Variants in GPR39 observed in about 807,000 individuals in gnomAD.
The protein encoded by GPR39 is zinc sensing receptor.
In GPR39, 23 loss-of-function variants were observed where a neutral mutation model predicts 18.4. The observed-to-expected ratio is 1.25, with a 90% CI of 0.90 to 1.77. The LOEUF (loss-of-function observed/expected upper bound fraction) is 1.77, where lower values mean the gene tolerates loss of function less well. Ranked by LOEUF, GPR39 falls within the 40% of genes most tolerant of loss-of-function variation. The pLI is 0.00. For synonymous variants in GPR39, 280 were observed against 257.9 expected, an observed-to-expected ratio of 1.09 and a Z score of -0.82; for missense variants, 647 against 602.4, an observed-to-expected ratio of 1.07 and a Z score of -0.78.
At chr2:132,444,389 C>T (rs1346851961) in intron 1 of GPR39, among the ~76,000 whole-genome samples, 1 of 152,002 alleles carries the variant, frequency 6.6e-6, no homozygotes, top group Non-Finnish European at 1.5e-5. Context: ...CTCTTGGGCT[C>T]AAGCCGTCTT....
At chr2:132,556,188 G>A (rs75240074) in intron 1 of GPR39, among the ~76,000 whole-genome samples, 23 of 152,238 alleles carry the variant, frequency 1.5e-4, no homozygotes, top group African/African-American at 5.5e-4. Context: ...AAATTCATTA[G>A]GCATATCATT....
intron 1 of GPR39, among the ~76,000 whole-genome samples, chr2:132,509,216 T>G (rs58191717): frequency 0.11 from 16,936 of 152,248 alleles, 993 homozygotes; most frequent in East Asian, 0.17. Flanking sequence ...AGGGAGTGGA[T>G]AGTAACCAGC....
intron 1 of GPR39, among the ~76,000 whole-genome samples, chr2:132,580,543 G>A (rs1019828696): frequency 6.6e-6 from 1 of 152,140 alleles, no homozygotes; most frequent in African/African-American, 2.4e-5. Context: ...ACTGGCCATG[G>A]TACAATAAGT....
At chr2:132,503,273 T>C (rs1395192947) in intron 1 of GPR39, among the ~76,000 whole-genome samples, 1 of 152,208 alleles carries the variant, frequency 6.6e-6, no homozygotes, top group African/African-American at 2.4e-5. Flanking sequence ...TATTTTGATG[T>C]GGTGTTCTCC....
intron 1 of GPR39, among the ~76,000 whole-genome samples, chr2:132,429,122 A>C (rs1195384159): frequency 6.6e-6 from 1 of 152,154 alleles, no homozygotes; most frequent in East Asian, 1.9e-4. Flanking sequence ...TTTTATCTTC[A>C]ATCCTCATAG....
Position 132,420,685 on chromosome 2 carries a change from C to T in GPR39, c.856+2787C>T, listed in dbSNP as rs550815640. On this transcript the variant is annotated intron_variant, in intron 1 of 1. Transcript: ENST00000329321. ...AAAACAATTAAGATTGTTCGCCGCT[C>T]GTTGTTAAAAATGCTAACTTCTGCA... 5.9e-5 allele frequency among the ~76,000 whole-genome samples: 9 copies of T among 152,312 alleles called. No homozygotes were observed. In the South Asian group the frequency reaches 1.5e-3, roughly 25 times the overall value.
At chr2:132,611,540 G>A (rs1681240276) in intron 1 of GPR39, among the ~76,000 whole-genome samples, 1 of 151,992 alleles carries the variant, frequency 6.6e-6, no homozygotes, top group Non-Finnish European at 1.5e-5. Flanking sequence ...GTTCAATTAA[G>A]CATGTCCATT....
intron 1 of GPR39, among the ~76,000 whole-genome samples, chr2:132,580,649 C>T (rs1680606757): frequency 6.6e-6 from 1 of 152,116 alleles, no homozygotes; most frequent in Non-Finnish European, 1.5e-5. Context: ...TACAATTATT[C>T]CTTCTGTTTA....
chr2:132,547,029 T>C (rs530597921), intron 1 of GPR39, among the ~76,000 whole-genome samples: 1 of 152,018 alleles, frequency 6.6e-6, no homozygotes, highest in Non-Finnish European at 1.5e-5. Context: ...AGGAGCAAGA[T>C]GCTGTGTTTC....
At chr2:132,473,759 A>G (rs111398969) in intron 1 of GPR39, among the ~76,000 whole-genome samples, 6,505 of 152,276 alleles carry the variant, frequency 0.043, 495 homozygotes, top group African/African-American at 0.15. Context: ...GAGAGACATG[A>G]TGTAGACCAC....
chr2:132,479,456 G>T (rs1681190646), intron 1 of GPR39, among the ~76,000 whole-genome samples: 1 of 152,146 alleles, frequency 6.6e-6, no homozygotes, highest in South Asian at 2.1e-4. Flanking sequence ...CATTTAATTG[G>T]GCTGGTATGG....
chr2:132,625,585 G>A (rs1466760700), intron 1 of GPR39, among the ~76,000 whole-genome samples: 5 of 152,134 alleles, frequency 3.3e-5, no homozygotes, highest in Admixed American at 2.6e-4. Flanking sequence ...GAACAGAAGG[G>A]GGGGAAATGC....
At chr2:132,470,648 T>G (rs1455642652) in intron 1 of GPR39, among the ~76,000 whole-genome samples, 1 of 151,186 alleles carries the variant, frequency 6.6e-6, no homozygotes, top group African/African-American at 2.4e-5. Context: ...GACGATCCAG[T>G]AAAATGAGGA....
At chr2:132,588,239 A>C (rs929164282) in intron 1 of GPR39, among the ~76,000 whole-genome samples, 1 of 152,172 alleles carries the variant, frequency 6.6e-6, no homozygotes, top group East Asian at 1.9e-4. Flanking sequence ...GTACCCCTTT[A>C]GTGAGAGGGA....
chr2:132,537,177 A>G (rs1679773038), intron 1 of GPR39, among the ~76,000 whole-genome samples: 2 of 152,064 alleles, frequency 1.3e-5, no homozygotes, highest in Admixed American at 1.3e-4. Context: ...TGGTCTTTAT[A>G]TTGTGGTATG....
intron 1 of GPR39, among the ~76,000 whole-genome samples, chr2:132,478,796 A>G (rs1407247819): frequency 6.6e-6 from 1 of 152,242 alleles, no homozygotes; most frequent in Non-Finnish European, 1.5e-5. Flanking sequence ...ATGTTGTTTC[A>G]GAACCCAAGT....
intron 1 of GPR39, among the ~76,000 whole-genome samples, chr2:132,578,871 A>G (rs1341875500): frequency 1.3e-5 from 2 of 152,012 alleles, no homozygotes; most frequent in Non-Finnish European, 2.9e-5. Flanking sequence ...TGTCCTCACT[A>G]TTTCTTTGTT....
At chr2:132,537,263 G>A (rs1313539436) in intron 1 of GPR39, among the ~76,000 whole-genome samples, 1 of 152,128 alleles carries the variant, frequency 6.6e-6, no homozygotes, top group African/African-American at 2.4e-5. Context: ...AGGCAGTCCT[G>A]TGGTGACTAA....
chr2:132,595,615 G>A (rs1443128338), intron 1 of GPR39, among the ~76,000 whole-genome samples: 1 of 152,126 alleles, frequency 6.6e-6, no homozygotes, highest in Non-Finnish European at 1.5e-5. Context: ...GGCATGGAAG[G>A]TGACTTATTT....
Sources: allele counts gnomAD v4.1 joint callset (sites outside exome capture counted in the v4.1 genomes callset), GRCh38; gene constraint gnomAD v4.1.1; transcripts MANE v1.5; gene names NCBI Gene and HGNC (gene_info 2026-07-23, HGNC 2026-07-21).